Variants in TMEM163 observed in about 807,000 individuals in gnomAD.
The protein encoded by TMEM163 is transmembrane protein 163.
A neutral mutation model predicts 29.3 loss-of-function variants in TMEM163; 17 were observed. The ratio of observed to expected loss-of-function variants is 0.58; its 90% CI spans 0.40 to 0.87. The LOEUF is 0.87. TMEM163 is among the 40% of genes least tolerant of loss of function. TMEM163 has a pLI of 0.00. For synonymous variants in TMEM163, 157 were observed against 160.6 expected, an observed-to-expected ratio of 0.98 and a Z score of 0.17; for missense variants, 303 against 381.5, an observed-to-expected ratio of 0.79 and a Z score of 1.71.
chr2:134,661,499 C>T (rs2104858960), intron 2 of TMEM163, among the ~76,000 whole-genome samples: 1 of 152,318 alleles, frequency 6.6e-6, no homozygotes, highest in East Asian at 1.9e-4. Flanking sequence ...AGCCCAGCAC[C>T]ATTACGAAGT....
intron 2 of TMEM163, among the ~76,000 whole-genome samples, chr2:134,639,011 G>T (rs1220604884): frequency 6.6e-6 from 1 of 152,200 alleles, no homozygotes; most frequent in African/African-American, 2.4e-5. Flanking sequence ...GCCACCCAGG[G>T]AGAGAGGGGT....
intron 2 of TMEM163, among the ~76,000 whole-genome samples, chr2:134,702,463 G>A (rs902521815): frequency 6.6e-6 from 1 of 152,064 alleles, no homozygotes; most frequent in Non-Finnish European, 1.5e-5. Context: ...TGGGCAACAA[G>A]GTGAAACCGT....
chr2:134,497,828 G>T (rs1006938038), intron 5 of TMEM163, among the ~76,000 whole-genome samples: 1 of 152,152 alleles, frequency 6.6e-6, no homozygotes, highest in African/African-American at 2.4e-5. Context: ...GACAAAGACA[G>T]CTACAGCTGA....
chr2:134,499,810 G>A (rs1012841058), intron 5 of TMEM163, among the ~76,000 whole-genome samples: 10 of 152,070 alleles, frequency 6.6e-5, no homozygotes, highest in African/African-American at 1.7e-4. Flanking sequence ...GGTGTCACTC[G>A]GAGCTAAGTC....
chr2:134,476,290 A>G (rs1686911044), intron 5 of TMEM163, among the ~76,000 whole-genome samples: 1 of 152,186 alleles, frequency 6.6e-6, no homozygotes, highest in Admixed American at 6.5e-5. Context: ...AAGTAACAGA[A>G]AGCAGACTAG....
intron 4 of TMEM163, among the ~76,000 whole-genome samples, chr2:134,506,084 G>A (rs1194414129): frequency 3.3e-5 from 5 of 152,162 alleles, no homozygotes; most frequent in African/African-American, 9.7e-5. Context: ...ACACGGTAAG[G>A]CAGCTCTGAA....
At chr2:134,525,351 G>T (rs1356686105) in intron 4 of TMEM163, among the ~76,000 whole-genome samples, 1 of 152,216 alleles carries the variant, frequency 6.6e-6, no homozygotes, top group African/African-American at 2.4e-5. Flanking sequence ...GGCCCCTGGA[G>T]TCTGAGCAGC....
chr2:134,718,264 G>A (rs1166947285), intron 1 of TMEM163, among the ~76,000 whole-genome samples: 1 of 152,204 alleles, frequency 6.6e-6, no homozygotes, highest in East Asian at 1.9e-4. Context: ...CGGCCGCCGA[G>A]GGACATCTCG....
chr2:134,603,866 G>A (rs1235406745), intron 2 of TMEM163, among the ~76,000 whole-genome samples: 10 of 134,466 alleles, frequency 7.4e-5, no homozygotes, highest in African/African-American at 1.3e-4. Flanking sequence ...GGAGGGAACA[G>A]AAGGGAGGGG....
rs554954206 is a variant in TMEM163, at chr2:134,598,761, A to T, written c.323-46670T>A. ...GTGAAACCCCGTCTCTACTAAAAAA[A>T]TACAAAAAATTATCCAGGTATGGTG... is the stretch of plus-strand genomic sequence containing the variant. On this transcript the variant is annotated intron_variant, in intron 2 of 7. Transcript: ENST00000281924. 2.4e-4 allele frequency among the ~76,000 whole-genome samples: 37 copies of T among 152,068 alleles called. 1 individual carries two copies. In the South Asian group the frequency reaches 6.9e-3, roughly 28 times the overall value.
intron 2 of TMEM163, among the ~76,000 whole-genome samples, chr2:134,619,772 T>C (rs544018916): frequency 5.5e-4 from 84 of 152,272 alleles, no homozygotes; most frequent in African/African-American, 2.0e-3. Context: ...AGAAAAACTA[T>C]CTTTACAGAT....
intron 5 of TMEM163, among the ~76,000 whole-genome samples, chr2:134,499,454 C>T (rs992313452): frequency 3.3e-5 from 5 of 152,208 alleles, no homozygotes; most frequent in Non-Finnish European, 7.3e-5. Context: ...AGCCTGTAGC[C>T]ATTTGCCCAC....
chr2:134,599,052 T>A (rs1412149835), intron 2 of TMEM163, among the ~76,000 whole-genome samples: 4 of 144,258 alleles, frequency 2.8e-5, no homozygotes, highest in Non-Finnish European at 6.0e-5. Context: ...TCACACCAGC[T>A]GTGGACAAGA....
At chr2:134,665,721 C>T (rs1683859917) in intron 2 of TMEM163, among the ~76,000 whole-genome samples, 1 of 152,136 alleles carries the variant, frequency 6.6e-6, no homozygotes, top group African/African-American at 2.4e-5. Flanking sequence ...GAATTCCAAC[C>T]CTGCCTCTAC....
chr2:134,471,405 C>T (rs947943550), intron 5 of TMEM163, among the ~76,000 whole-genome samples: 6 of 152,114 alleles, frequency 3.9e-5, no homozygotes, highest in African/African-American at 1.4e-4. Flanking sequence ...GGAAAGGCCA[C>T]ATGAGGACAC....
chr2:134,671,942 G>A (rs1574327806), intron 2 of TMEM163, among the ~76,000 whole-genome samples: 1 of 152,300 alleles, frequency 6.6e-6, no homozygotes, highest in East Asian at 1.9e-4. Context: ...TAAATGTAAA[G>A]TGCTCAGAGC....
chr2:134,656,104 T>C (rs1683602166), intron 2 of TMEM163, among the ~76,000 whole-genome samples: 1 of 143,898 alleles, frequency 6.9e-6, no homozygotes, highest in African/African-American at 2.8e-5. Context: ...CTGCTTTGTT[T>C]ACCTAAGCAA....
At chr2:134,476,503 T>C (rs1364032162) in intron 5 of TMEM163, among the ~76,000 whole-genome samples, 1 of 152,230 alleles carries the variant, frequency 6.6e-6, no homozygotes, top group Non-Finnish European at 1.5e-5. Context: ...AAAAATACTA[T>C]TTATCTCAGG....
At chr2:134,606,367 C>T (rs1682360950) in intron 2 of TMEM163, among the ~76,000 whole-genome samples, 1 of 151,952 alleles carries the variant, frequency 6.6e-6, no homozygotes, top group South Asian at 2.1e-4. Flanking sequence ...TACTTCTGCC[C>T]TCTGAAAATG....
Sources: allele counts gnomAD v4.1 joint callset (sites outside exome capture counted in the v4.1 genomes callset), GRCh38; gene constraint gnomAD v4.1.1; transcripts MANE v1.5; gene names NCBI Gene and HGNC (gene_info 2026-07-23, HGNC 2026-07-21).